The following GABRR1 variants were observed in gnomAD, a reference collection of about 807,000 sequenced individuals.
GABRR1 encodes gamma-aminobutyric acid receptor subunit rho-1.
Under a neutral mutation model 55.5 loss-of-function variants are expected in GABRR1, and 59 were observed. The observed-to-expected ratio is 1.06, with a 90% CI of 0.86 to 1.32. The LOEUF (loss-of-function observed/expected upper bound fraction) is 1.32, where lower values mean the gene tolerates loss of function less well. Ranked by LOEUF, GABRR1 falls within the 40% of genes most tolerant of loss-of-function variation. GABRR1 has a pLI of 0.00. For missense variants in GABRR1, 602 were observed against 619.1 expected, an observed-to-expected ratio of 0.97 and a Z score of 0.29; for synonymous variants, 213 against 226.0, an observed-to-expected ratio of 0.94 and a Z score of 0.51.
At chr6:89,179,118 C>T in intron 9 of GABRR1, 55 bp from the exon 10 acceptor site, 2 of 1,554,746 alleles carry the variant, frequency 1.3e-6, no homozygotes, top group Non-Finnish European at 1.7e-6. Flanking sequence ...TCTCAGAAGC[C>T]CTTCAAAAGG....
chr6:89,180,059 A>G (rs1047322937), intron 9 of GABRR1, among the ~76,000 whole-genome samples: 3 of 144,976 alleles, frequency 2.1e-5, no homozygotes, highest in Non-Finnish European at 4.5e-5. Flanking sequence ...ACCTGGTCCA[A>G]GTATGTGGTA....
intron 5 of GABRR1, among the ~76,000 whole-genome samples, chr6:89,195,373 G>A (rs1427854506): frequency 6.6e-6 from 1 of 151,798 alleles, no homozygotes; most frequent in Admixed American, 6.6e-5. Flanking sequence ...TGAGGCAGGA[G>A]AATTGCTTGA....
intron 8 of GABRR1, 141 bp downstream of exon 8, chr6:89,181,764 A>G: frequency 1.2e-6 from 1 of 832,856 alleles, no homozygotes; most frequent in South Asian, 2.5e-5. Context: ...TTTAACTATA[A>G]ATAAATAACT....
chr6:89,208,554 A>G (rs1020783341), intron 1 of GABRR1, among the ~76,000 whole-genome samples: 1 of 152,260 alleles, frequency 6.6e-6, no homozygotes, highest in African/African-American at 2.4e-5. Context: ...ACCCTCCATC[A>G]TGTGGGGAGC....
chr6:89,217,142 G>GTAAGCT (rs1464968599), intron 1 of GABRR1, 59 bp downstream of exon 1: 6 of 1,580,880 alleles, frequency 3.8e-6, no homozygotes, highest in Non-Finnish European at 5.2e-6. Context: ...GAAGAACACT[G>GTAAGCT]TAAGCTCACT....
At chr6:89,186,832 G>C (rs1004181218) in intron 6 of GABRR1, among the ~76,000 whole-genome samples, 3 of 152,168 alleles carry the variant, frequency 2.0e-5, no homozygotes, top group Non-Finnish European at 1.5e-5. Context: ...CCTTGGTCCT[G>C]GGTTTTATTA....
chr6:89,190,150 G>A lies in GABRR1; in HGVS notation c.655+15C>T. 1 of 1,591,336 alleles carries A rather than the reference G, an allele frequency of 6.3e-7. No individual in the cohort carries two copies. The highest frequency in any genetic ancestry group is 8.6e-7 in the Non-Finnish European group (1 of 1,163,792). On this transcript the variant is annotated intron_variant, in intron 6 of 9. Coordinates refer to ENST00000454853, the MANE Select transcript of GABRR1 (RefSeq NM_002042.5). ...CAGGAGCTGTGTGCTGATGCCCGGG[G>A]ACAAGTCTACTCACAGCTTTCAATT...
At chr6:89,189,404 C>T (rs1465628282) in intron 6 of GABRR1, among the ~76,000 whole-genome samples, 1 of 143,434 alleles carries the variant, frequency 7.0e-6, no homozygotes, top group East Asian at 2.0e-4. Flanking sequence ...AGTAAACTAT[C>T]GCAAGAACAA....
At chr6:89,204,060 A>G (rs1351733698) in intron 1 of GABRR1, among the ~76,000 whole-genome samples, 1 of 152,190 alleles carries the variant, frequency 6.6e-6, no homozygotes, top group Non-Finnish European at 1.5e-5. Context: ...AGCTCCAATA[A>G]TAGTTAATAT....
At chr6:89,229,269 G>T (rs1442000133) in intron 1 of GABRR1, among the ~76,000 whole-genome samples, 1 of 151,794 alleles carries the variant, frequency 6.6e-6, no homozygotes, top group East Asian at 1.9e-4. Flanking sequence ...TACATTTAAA[G>T]TTAATATTGT....
At chr6:89,193,956 A>G (rs111974346) in intron 5 of GABRR1, among the ~76,000 whole-genome samples, 4 of 151,964 alleles carry the variant, frequency 2.6e-5, no homozygotes, top group Non-Finnish European at 4.4e-5. Flanking sequence ...TCTCCCCCCA[A>G]CTCATGACTT....
In GABRR1 at chr6:89,178,687, C is replaced by T; in HGVS notation, c.*83G>A. On this transcript the variant is annotated 3_prime_UTR_variant, in exon 10 of 10. Coordinates refer to ENST00000454853, the MANE Select transcript of GABRR1 (RefSeq NM_002042.5). ...GTGGGTCCTGGGATTTTTTTTTAAC[C>T]ATATCCTTAAATACTTTTTCATTAT... 7.9e-7 allele frequency: 1 copy of T among 1,260,034 alleles called. No individual in the cohort carries two copies. Among genetic ancestry groups the T allele is most frequent in the Non-Finnish European group, 1.1e-6 (1 of 902,302 alleles). The allele number at this position is 1,260,034 out of a possible 1,614,324, so 78.1% of individuals were successfully genotyped here.
At chr6:89,213,577 A>T (rs1001062528) in intron 1 of GABRR1, among the ~76,000 whole-genome samples, 1 of 152,264 alleles carries the variant, frequency 6.6e-6, no homozygotes, top group Non-Finnish European at 1.5e-5. Context: ...AATAACAAAG[A>T]GGAAGCAACC....
Position 89,190,248 on chromosome 6 carries a change from C to T in GABRR1, c.573-1G>A, listed in dbSNP as rs754315511. 1.3e-6 allele frequency: 2 copies of T among 1,598,460 alleles called. No individual in the cohort carries two copies. The highest frequency in any genetic ancestry group is 2.3e-5 in the South Asian group (2 of 88,356). On this transcript the variant is annotated splice_acceptor_variant, in intron 5 of 9. Coordinates refer to ENST00000454853, the MANE Select transcript of GABRR1 (RefSeq NM_002042.5). LOFTEE classifies it high-confidence loss of function. Reference sequence around the variant, plus strand: ...GTTGCACATTGCAGTTACTGTAACCCTAGGGCCAAAAAGACAAAATTGATT... The same window carrying T: ...GTTGCACATTGCAGTTACTGTAACCTTAGGGCCAAAAAGACAAAATTGATT...
intron 5 of GABRR1, among the ~76,000 whole-genome samples, chr6:89,195,145 T>G (rs1016536476): frequency 6.6e-5 from 10 of 151,972 alleles, no homozygotes; most frequent in Non-Finnish European, 1.3e-4. Context: ...GCAAGATAAA[T>G]AAGACAAGTA....
chr6:89,189,158 G>A (rs1334425337), intron 6 of GABRR1, among the ~76,000 whole-genome samples: 3 of 151,980 alleles, frequency 2.0e-5, no homozygotes, highest in Non-Finnish European at 2.9e-5. Flanking sequence ...ACAGAACAAA[G>A]TTTAAAACCA....
At chr6:89,223,942 T>G (rs1341315177) in intron 1 of GABRR1, among the ~76,000 whole-genome samples, 1 of 152,092 alleles carries the variant, frequency 6.6e-6, no homozygotes, top group Admixed American at 6.6e-5. Flanking sequence ...TTTTGTATTT[T>G]TAATAGAGAC....
upstream of GABRR1, among the ~76,000 whole-genome samples, chr6:89,220,402 C>A (rs912265731): frequency 8.5e-5 from 13 of 152,302 alleles, no homozygotes; most frequent in African/African-American, 3.1e-4. Context: ...TATGGCAGAA[C>A]CTTGAGGGGA....
chr6:89,196,843 G>GAAAGAAAGAA (rs1211663612), intron 5 of GABRR1, among the ~76,000 whole-genome samples: 4 of 102,800 alleles, frequency 3.9e-5, no homozygotes, highest in Non-Finnish European at 8.7e-5. Flanking sequence ...AAGAAAGAAA[G>GAAAGAAAGAA]AAAGAAAGAA....
Sources: allele counts gnomAD v4.1 joint callset (sites outside exome capture counted in the v4.1 genomes callset), GRCh38; gene constraint gnomAD v4.1.1; transcripts MANE v1.5; gene names NCBI Gene and HGNC (gene_info 2026-07-23, HGNC 2026-07-21).